The following MN1 variants were observed in gnomAD, a reference collection of about 807,000 sequenced individuals.
MN1 encodes transcriptional activator MN1.
MN1 carries 19 observed loss-of-function variants against 86.9 expected under a neutral mutation model. The observed-to-expected ratio is 0.22, with a 90% CI of 0.15 to 0.32. The LOEUF is 0.32. Among genes scored for constraint, MN1 ranks in the 10% least tolerant of loss-of-function variants. The probability of loss-of-function intolerance (pLI) is 1.00; values close to 1 mark genes in which losing one functional copy is unlikely to be tolerated. For synonymous variants in MN1, 928 were observed against 849.6 expected, an observed-to-expected ratio of 1.09 and a Z score of -1.60; for missense variants, 1,841 against 1,862.0, an observed-to-expected ratio of 0.99 and a Z score of 0.21.
In MN1 at chr22:27,798,234, TC is replaced by T; in HGVS notation, c.2309del (p.Gly770GlufsTer66). On this transcript the variant is annotated frameshift_variant, in exon 1 of 2. Transcript: ENST00000302326. LOFTEE classifies it high-confidence loss of function. ...GPGVNSPPSA[G>X]GGGGSSGGGG... ...CGCCACCAGAGCTGCCACCGCCCCC[TC>T]CCGCGCTGGGGGGCGAGTTCACGCC... 1 of 1,517,996 alleles carries T rather than the reference TC, an allele frequency of 6.6e-7. No homozygotes were observed. The highest frequency in any genetic ancestry group is 8.7e-7 in the Non-Finnish European group (1 of 1,142,882). The allele number at this position is 1,517,996 out of a possible 1,614,324, so 94.0% of individuals were successfully genotyped here.
Position 27,800,301 on chromosome 22 carries a change from C to T in MN1, c.243G>A (p.Gly81=), listed in dbSNP as rs2146318638. 2 of 1,577,184 alleles carry T rather than the reference C, an allele frequency of 1.3e-6. No homozygotes were observed. The highest frequency in any genetic ancestry group is 1.7e-6 in the Non-Finnish European group (2 of 1,161,794). The change falls in exon 1 of 2, where the codon GGG becomes GGA. Residue 81 remains glycine, a synonymous_variant. Coordinates refer to ENST00000302326, the MANE Select transcript of MN1 (RefSeq NM_002430.3). ...HARGHSELHA[G]GLQAQPVHGF... ...CGTGCACAGGCTGCGCTTGCAGCCC[C>T]CCTGCGTGCAACTCCGAGTGGCCGC...
chr22:27,767,536 G>C (rs577337529), intron 1 of MN1, among the ~76,000 whole-genome samples: 1 of 152,210 alleles, frequency 6.6e-6, no homozygotes, highest in Non-Finnish European at 1.5e-5. Context: ...AAAAATGCAG[G>C]AGTCCCCTGG....
chr22:27,786,627 A>T (rs887682858), intron 1 of MN1, among the ~76,000 whole-genome samples: 2 of 152,174 alleles, frequency 1.3e-5, no homozygotes, highest in Non-Finnish European at 2.9e-5. Context: ...TCGGAGAACC[A>T]AGGCACCAGA....
Position 27,799,287 on chromosome 22 carries a change from C to A in MN1, c.1257G>T (p.Met419Ile). 3 of 1,586,832 alleles carry A rather than the reference C, an allele frequency of 1.9e-6. No homozygotes were observed. Among genetic ancestry groups the A allele is most frequent in the Non-Finnish European group, 2.6e-6 (3 of 1,166,610 alleles). The change falls in exon 1 of 2, where the codon ATG becomes ATT. Residue 419 changes from methionine to isoleucine, a missense_variant. Met to Ile is a conservative substitution (Grantham distance 10). Transcript: ENST00000302326. ...TGAAAACAGGCTCGGAATAAGGGTG[C>A]ATGCTCCGGTTCTCCAGCCGGTGGA... ...YPIHRLENRS[M>I]HPYSEPVFSM...
chr22:27,748,875 T>A lies in MN1; in HGVS notation c.*2040A>T, dbSNP rs1335826145. 2 of 227,012 alleles carry A rather than the reference T, an allele frequency of 8.8e-6. No homozygotes were observed. The highest frequency in any genetic ancestry group is 4.4e-5 in the African/African-American group (2 of 44,952). 14.1% of individuals were successfully genotyped at this position (227,012 alleles called of 1,614,324 possible). A position where few individuals can be genotyped will look rare whatever the true frequency, so the allele number is the denominator to read the frequency against. ...CAATTAAGGAGAAATCATTCCTGTT[T>A]CAAAAGTAAAATGATGAGGCTCTCA... On this transcript the variant is annotated 3_prime_UTR_variant, in exon 2 of 2. Transcript: ENST00000302326.
At chr22:27,765,095 A>G (rs776181641) in intron 1 of MN1, among the ~76,000 whole-genome samples, 14 of 152,252 alleles carry the variant, frequency 9.2e-5, no homozygotes, top group Non-Finnish European at 1.9e-4. Context: ...ATCACAGTAT[A>G]TAACCCACAA....
Position 27,799,074 on chromosome 22 carries a change from G to C in MN1, c.1470C>G (p.Ala490=). The C allele has an allele frequency of 6.2e-7, 1 of 1,609,216 alleles. No individual in the cohort carries two copies. The part of the protein sequence containing the change: ...GALDNHLSPS[A]YPGLPGEFTP... The stretch of plus-strand genomic sequence containing the variant: ...TGAACTCGCCGGGTAGGCCTGGGTA[G>C]GCGGAAGGGGAGAGGTGATTATCCA... Residue 490 remains alanine, a synonymous_variant, in exon 1 of 2, where the codon GCC becomes GCG. Transcript: ENST00000302326.
intron 1 of MN1, among the ~76,000 whole-genome samples, chr22:27,777,889 A>T (rs940965673): frequency 2.0e-5 from 3 of 151,788 alleles, no homozygotes; most frequent in African/African-American, 7.3e-5. Flanking sequence ...AAAAAAAAAA[A>T]GAAAGAAAGA....
rs1933397899 is a variant in MN1 at position 27,799,865 on chromosome 22, C to T, written c.679G>A (p.Ala227Thr). The T allele has an allele frequency of 1.2e-6, 2 of 1,602,624 alleles. No homozygotes were observed. The highest frequency in any genetic ancestry group is 1.7e-5 in the Admixed American group (1 of 58,946). The change falls in exon 1 of 2, where the codon GCC (alanine) becomes ACC (threonine). Residue 227 changes from alanine to threonine, a missense_variant. Physicochemically the swap from Ala to Thr is moderately conservative, Grantham distance 58 (BLOSUM62 0). Coordinates refer to ENST00000302326, the MANE Select transcript of MN1 (RefSeq NM_002430.3). ...TAATTGTATTCCAGCGAGTCGACGG[C>T]TCCTTGGTTCGTCACCCTCCGTGGC... is the stretch of plus-strand genomic sequence containing the variant. ...LEPRRVTNQGAVDSLEYNYPG... is the reference protein window; with the variant it reads ...LEPRRVTNQGTVDSLEYNYPG...
rs921421247 is a variant in MN1, at chr22:27,748,570, A to G, written c.*2345T>C. ...CGTTTTCTTTCCCAAAGAGTTTGCT[A>G]TGCAGTACTGATTACCAGTGTTCGG... On this transcript the variant is annotated 3_prime_UTR_variant, in exon 2 of 2. Coordinates refer to ENST00000302326, the MANE Select transcript of MN1 (RefSeq NM_002430.3). The G allele has an allele frequency of 4.0e-4, 83 of 206,836 alleles. No individual in the cohort carries two copies. The highest frequency in any genetic ancestry group is 1.8e-3 in the African/African-American group (79 of 43,966). 12.8% of individuals were successfully genotyped at this position (206,836 alleles called of 1,614,324 possible).
chr22:27,768,264 C>A (rs1194079811), intron 1 of MN1, among the ~76,000 whole-genome samples: 1 of 152,148 alleles, frequency 6.6e-6, no homozygotes, highest in Admixed American at 6.6e-5. Flanking sequence ...CATACTCATC[C>A]AGGGGTTAGG....
chr22:27,772,852 C>CCCTCAT, intron 1 of MN1, among the ~76,000 whole-genome samples: 1 of 147,542 alleles, frequency 6.8e-6, no homozygotes, highest in African/African-American at 2.5e-5. Flanking sequence ...ATCACCATTG[C>CCCTCAT]CATCATCATC....
rs1007871535 is a variant in MN1, at chr22:27,798,369, A to C, written c.2175T>G (p.Ala725=). 5.3e-5 allele frequency: 80 copies of C among 1,501,834 alleles called. No homozygotes were observed. The highest frequency in any genetic ancestry group is 2.0e-4 in the Middle Eastern group (1 of 4,950). 93.0% of individuals were successfully genotyped at this position (1,501,834 alleles called of 1,614,324 possible). The change falls in exon 1 of 2, where the codon GCT becomes GCG. Residue 725 remains alanine (A), a synonymous_variant. Coordinates refer to ENST00000302326, the MANE Select transcript of MN1 (RefSeq NM_002430.3). The part of the protein sequence containing the change: ...PGAGVGLPSA[A]SERRPPPPDF... ...CCGGCGGCGGGGGCCGGCGCTCCGA[A>C]GCAGCGCTGGGGAGCCCCACGCCCG...
intron 1 of MN1, among the ~76,000 whole-genome samples, chr22:27,786,430 AACACACACACAC>A (rs3831690): frequency 6.0e-5 from 9 of 148,936 alleles, no homozygotes; most frequent in Admixed American, 6.0e-4. Flanking sequence ...TTAAAAGTTA[AACACACACACAC>A]ACACACACAC....
At chr22:27,759,579 G>C (rs918361603) in intron 1 of MN1, among the ~76,000 whole-genome samples, 1 of 151,968 alleles carries the variant, frequency 6.6e-6, no homozygotes, top group African/African-American at 2.4e-5. Flanking sequence ...CCCCTCACTA[G>C]CTCTGTGATC....
intron 1 of MN1, among the ~76,000 whole-genome samples, chr22:27,788,629 T>C (rs1164854505): frequency 6.6e-6 from 1 of 152,150 alleles, no homozygotes; most frequent in Non-Finnish European, 1.5e-5. Context: ...CTTTTTTTTT[T>C]TTTTTGACAT....
intron 1 of MN1, among the ~76,000 whole-genome samples, chr22:27,776,514 C>T (rs1018438724): frequency 3.3e-5 from 5 of 152,022 alleles, no homozygotes; most frequent in East Asian, 3.9e-4. Flanking sequence ...CTAAGAAGGG[C>T]GGAGGCTGGG....
intron 1 of MN1, among the ~76,000 whole-genome samples, chr22:27,756,760 TTC>T (rs1177485802): frequency 3.3e-5 from 5 of 152,158 alleles, no homozygotes; most frequent in Admixed American, 2.0e-4. Flanking sequence ...GTTGTTGTTT[TTC>T]TTTTTCTTTT....
intron 1 of MN1, among the ~76,000 whole-genome samples, chr22:27,761,079 G>T (rs2035326106): frequency 1.3e-5 from 2 of 152,154 alleles, no homozygotes; most frequent in Non-Finnish European, 2.9e-5. Context: ...ACAGTGTGTG[G>T]TTTTTATCAA....
Sources: gnomAD v4.1 joint callset for allele counts (sites outside exome capture counted in the v4.1 genomes callset) on GRCh38, gnomAD v4.1.1 for gene constraint, MANE v1.5 for transcripts, NCBI Gene and HGNC (gene_info 2026-07-23, HGNC 2026-07-21) for gene names.